Variants in PLGRKT observed in about 807,000 individuals in gnomAD.
PLGRKT encodes the protein plasminogen receptor (KT).
Under a neutral mutation model 18.5 loss-of-function variants are expected in PLGRKT, and 22 were observed. That is an observed-to-expected ratio of 1.19 (90% confidence interval 0.85 to 1.70). The LOEUF (loss-of-function observed/expected upper bound fraction) is 1.70. Ranked by LOEUF, PLGRKT falls within the 40% of genes most tolerant of loss-of-function variation. The pLI is 0.00. For synonymous variants in PLGRKT, 72 were observed against 52.8 expected, an observed-to-expected ratio of 1.36 and a Z score of -1.58; for missense variants, 235 against 174.4, an observed-to-expected ratio of 1.35 and a Z score of -1.96.
chr9:5,384,260 C>G lies in PLGRKT; in HGVS notation c.82-22372G>C, dbSNP rs527667541. Among the ~76,000 whole-genome samples, 51 of 152,182 alleles carry G rather than the reference C, an allele frequency of 3.4e-4. 1 individual carries two copies. In the South Asian group the frequency reaches 8.5e-3, roughly 25 times the overall value. On this transcript the variant is annotated intron_variant, in intron 3 of 5. Coordinates refer to ENST00000223864, the MANE Select transcript of PLGRKT (RefSeq NM_018465.4). Reference sequence around the variant, plus strand: ...GTATGTGAGCCACTGGGAAAGGAAACTGAGAAGGAAATGAAAAACGGTCAG... The same window carrying G: ...GTATGTGAGCCACTGGGAAAGGAAAGTGAGAAGGAAATGAAAAACGGTCAG...
chr9:5,360,931 G>T, intron 5 of PLGRKT, 147 bp downstream of exon 5: 1 of 560,186 alleles, frequency 1.8e-6, no homozygotes, highest in Non-Finnish European at 3.2e-6. Context: ...GGACACCACT[G>T]TGTGAAAGGG....
intron 3 of PLGRKT, among the ~76,000 whole-genome samples, chr9:5,367,041 AC>A (rs1223918818): frequency 3.3e-5 from 5 of 150,740 alleles, no homozygotes; most frequent in Admixed American, 6.6e-5. Flanking sequence ...ACACACACAC[AC>A]ACACACACAC....
At chr9:5,425,974 T>G (rs1039593095) in intron 3 of PLGRKT, among the ~76,000 whole-genome samples, 1 of 152,202 alleles carries the variant, frequency 6.6e-6, no homozygotes, top group African/African-American at 2.4e-5. Context: ...AATTTAAAAA[T>G]AGCCAAAAGA....
chr9:5,402,943 G>A (rs1257597743), intron 3 of PLGRKT, among the ~76,000 whole-genome samples: 4 of 151,880 alleles, frequency 2.6e-5, no homozygotes, highest in Non-Finnish European at 5.9e-5. Flanking sequence ...AAACAGAAAT[G>A]AGCAAGGGGC....
At chr9:5,397,812 G>A (rs982056207) in intron 3 of PLGRKT, among the ~76,000 whole-genome samples, 2 of 151,972 alleles carry the variant, frequency 1.3e-5, no homozygotes, top group Admixed American at 1.3e-4. Flanking sequence ...TGCCCTTGGT[G>A]TCAGCTGCGC....
chr9:5,402,640 G>A (rs1244766274), intron 3 of PLGRKT, among the ~76,000 whole-genome samples: 2 of 151,924 alleles, frequency 1.3e-5, no homozygotes, highest in African/African-American at 4.9e-5. Flanking sequence ...GAAGAGCAGG[G>A]TATGGAGGAG....
intron 3 of PLGRKT, among the ~76,000 whole-genome samples, chr9:5,371,829 G>C (rs865892698): frequency 6.6e-6 from 1 of 151,776 alleles, no homozygotes; most frequent in Non-Finnish European, 1.5e-5. Flanking sequence ...ATATTTCATA[G>C]TATGATAGCT....
At chr9:5,410,931 G>A (rs545717490) in intron 3 of PLGRKT, among the ~76,000 whole-genome samples, 7 of 152,232 alleles carry the variant, frequency 4.6e-5, no homozygotes, top group South Asian at 2.1e-4. Flanking sequence ...ACTTCAGCTT[G>A]ATATAATATT....
intron 3 of PLGRKT, among the ~76,000 whole-genome samples, chr9:5,369,121 C>G (rs1404212722): frequency 1.3e-5 from 2 of 152,142 alleles, no homozygotes; most frequent in Non-Finnish European, 2.9e-5. Flanking sequence ...TCTCATCAAA[C>G]TAAAGAGCTT....
At chr9:5,438,114 CAATT>C (rs1288626788), upstream of PLGRKT, among the ~76,000 whole-genome samples, 3 of 152,176 alleles carry the variant, frequency 2.0e-5, no homozygotes, top group Non-Finnish European at 4.4e-5. Context: ...GTGGAATTCT[CAATT>C]AAAGGCCTCT....
At chr9:5,359,259 T>C (rs1193907001) in intron 5 of PLGRKT, among the ~76,000 whole-genome samples, 1 of 152,064 alleles carries the variant, frequency 6.6e-6, no homozygotes, top group African/African-American at 2.4e-5. Context: ...GATTTCATCA[T>C]GTTGGACAGG....
intron 3 of PLGRKT, among the ~76,000 whole-genome samples, chr9:5,398,001 C>G (rs531435875): frequency 6.6e-6 from 1 of 152,072 alleles, no homozygotes; most frequent in African/African-American, 2.4e-5. Context: ...AACTCTGTAG[C>G]TTGGTGCCCA....
rs564916102 is a variant in PLGRKT, at chr9:5,433,696, G to A, written c.-6-1713C>T. Among the ~76,000 whole-genome samples, 183 of 144,282 alleles carry A rather than the reference G, an allele frequency of 1.3e-3. 1 individual carries two copies. The highest frequency in any genetic ancestry group is 4.5e-3 in the African/African-American group (171 of 38,024). The allele number at this position is 144,282 out of a possible 152,430, so 94.7% of individuals were successfully genotyped here. A position where few individuals can be genotyped will look rare whatever the true frequency, so the allele number is the denominator to read the frequency against. On this transcript the variant is annotated intron_variant, in intron 2 of 5. Transcript: ENST00000223864. ...GCCTCTGCCCGGCTGCCCCGTCTGGGAAGTGAGGAGCGTCTCTGCCTGAGC... is the reference window on the plus strand; with the variant it reads ...GCCTCTGCCCGGCTGCCCCGTCTGGAAAGTGAGGAGCGTCTCTGCCTGAGC...
At chr9:5,399,432 T>A (rs1275783506) in intron 3 of PLGRKT, among the ~76,000 whole-genome samples, 2 of 151,900 alleles carry the variant, frequency 1.3e-5, no homozygotes, top group African/African-American at 4.9e-5. Flanking sequence ...TTTTATATGC[T>A]CAATAGGCAG....
At chr9:5,429,137 C>G (rs1279908196) in intron 3 of PLGRKT, among the ~76,000 whole-genome samples, 2 of 152,212 alleles carry the variant, frequency 1.3e-5, no homozygotes, top group Non-Finnish European at 2.9e-5. Context: ...TGTCAACACT[C>G]TCCCTACCCA....
intron 3 of PLGRKT, among the ~76,000 whole-genome samples, chr9:5,369,268 T>A (rs1294984923): frequency 6.6e-6 from 1 of 151,680 alleles, no homozygotes; most frequent in Non-Finnish European, 1.5e-5. Flanking sequence ...AAAAAAGAAC[T>A]CCATCAAAAA....
intron 3 of PLGRKT, among the ~76,000 whole-genome samples, chr9:5,413,684 A>G (rs77289331): frequency 0.071 from 10,759 of 152,272 alleles, 504 homozygotes; most frequent in South Asian, 0.16. Context: ...ATTTTTATCC[A>G]TTGAGAACCA....
intron 3 of PLGRKT, among the ~76,000 whole-genome samples, chr9:5,385,743 G>C (rs1200774181): frequency 6.6e-6 from 1 of 151,808 alleles, no homozygotes; most frequent in Non-Finnish European, 1.5e-5. Flanking sequence ...CTATTTTTGA[G>C]AGGCAATTCT....
intron 3 of PLGRKT, among the ~76,000 whole-genome samples, chr9:5,368,695 AC>A (rs1284181646): frequency 2.6e-5 from 4 of 152,130 alleles, no homozygotes; most frequent in Non-Finnish European, 4.4e-5. Context: ...CACATAATAA[AC>A]CTGCACCCCC....
Sources: allele counts gnomAD v4.1 joint callset (sites outside exome capture counted in the v4.1 genomes callset), GRCh38; gene constraint gnomAD v4.1.1; transcripts MANE v1.5; gene names NCBI Gene and HGNC (gene_info 2026-07-23, HGNC 2026-07-21).